The following CHMP4C variants were observed in gnomAD, a reference collection of about 807,000 sequenced individuals.
CHMP4C encodes the protein SNF7 homolog associated with Alix 3.
Under a neutral mutation model 29.0 loss-of-function variants are expected in CHMP4C, and 28 were observed. That is an observed-to-expected ratio of 0.97 (90% CI 0.72 to 1.32). The LOEUF is 1.32. Among genes scored for constraint, CHMP4C ranks in the 40% most tolerant of loss-of-function variants. The pLI is 0.00. For missense variants in CHMP4C, 291 were observed against 281.0 expected, an observed-to-expected ratio of 1.04 and a Z score of -0.25; for synonymous variants, 106 against 102.4, an observed-to-expected ratio of 1.04 and a Z score of -0.21.
chr8:81,739,636 A>T (rs1325048388), intron 1 of CHMP4C, among the ~76,000 whole-genome samples: 1 of 152,176 alleles, frequency 6.6e-6, no homozygotes, highest in Non-Finnish European at 1.5e-5. Flanking sequence ...ATGGGCACCT[A>T]GCCCTGGGAA....
intron 1 of CHMP4C, among the ~76,000 whole-genome samples, chr8:81,748,044 TCCCG>T (rs754584236): frequency 7.9e-4 from 113 of 143,044 alleles, no homozygotes; most frequent in Non-Finnish European, 1.3e-3. Context: ...GGGCGGCCAG[TCCCG>T]AGACCTACCC....
chr8:81,755,595 A>T (rs1047000628), intron 3 of CHMP4C, 111 bp downstream of exon 3: 15 of 577,116 alleles, frequency 2.6e-5, no homozygotes, highest in Non-Finnish European at 4.7e-5. Context: ...TGATATTTGT[A>T]AGAAAGGTAC....
Position 81,748,519 on chromosome 8 carries a change from TCACAATC to T in CHMP4C, c.191-4542_191-4536del, listed in dbSNP as rs1312841066. Reference sequence around the variant, plus strand: ...GAACTAATAAATGTCCATAAAATCTTCACAATCCATGTTCTTCTGTCATGGCTTCAGC... The same window carrying T: ...GAACTAATAAATGTCCATAAAATCTTCATGTTCTTCTGTCATGGCTTCAGC... On this transcript the variant is annotated intron_variant, in intron 1 of 4. Transcript: ENST00000297265. 2.6e-5 allele frequency among the ~76,000 whole-genome samples: 4 copies of T among 152,296 alleles called. No individual in the cohort carries two copies. The East Asian group carries it at 5.8e-4, about 22-fold the overall frequency.
At chr8:81,749,546 T>C (rs1808870434) in intron 1 of CHMP4C, among the ~76,000 whole-genome samples, 1 of 152,174 alleles carries the variant, frequency 6.6e-6, no homozygotes. Context: ...AATTCTACTA[T>C]AGTGTGATAA....
In CHMP4C at chr8:81,753,574, T is replaced by C. The variant is rs569767605; in HGVS notation, c.368+333T>C. On this transcript the variant is annotated intron_variant, in intron 2 of 4. Coordinates refer to ENST00000297265, the MANE Select transcript of CHMP4C (RefSeq NM_152284.4). ...TGTTGGATTTATAGGATAGTGGCTG[T>C]CAAACTTTGGAGGGAATCAGAATCA... Among the ~76,000 whole-genome samples the C allele has an allele frequency of 3.3e-5, 5 of 152,226 alleles. No homozygotes were observed. In the East Asian group the frequency reaches 7.7e-4, roughly 24 times the overall value.
In CHMP4C at chr8:81,739,423, G is replaced by GGC. The variant is rs538186074; in HGVS notation, c.190+6608_190+6609insCG. On this transcript the variant is annotated intron_variant, in intron 1 of 4. Coordinates refer to ENST00000297265, the MANE Select transcript of CHMP4C (RefSeq NM_152284.4). ...TTCTAAGGCCTGGGGGATTGTGGGGGGGGGTGGAAAAAAAAAAAGTCTTAT... is the reference window on the plus strand; with the variant it reads ...TTCTAAGGCCTGGGGGATTGTGGGGGGCGGGGTGGAAAAAAAAAAAGTCTTAT... Among the ~76,000 whole-genome samples, 659 of 142,934 alleles carry GGC rather than the reference G, an allele frequency of 4.6e-3. 32 individuals are homozygous for GGC. Among genetic ancestry groups the GGC allele is most frequent in the South Asian group, 0.021 (89 of 4,202 alleles). 93.8% of individuals were successfully genotyped at this position (142,934 alleles called of 152,430 possible). A position where few individuals can be genotyped will look rare whatever the true frequency, so the allele number is the denominator to read the frequency against.
At chr8:81,735,628 T>G (rs1808679501) in intron 1 of CHMP4C, among the ~76,000 whole-genome samples, 1 of 152,230 alleles carries the variant, frequency 6.6e-6, no homozygotes, top group Non-Finnish European at 1.5e-5. Flanking sequence ...AGCTAATATA[T>G]TCTCTGAATG....
At chr8:81,736,447 T>C (rs979167337) in intron 1 of CHMP4C, among the ~76,000 whole-genome samples, 1 of 152,116 alleles carries the variant, frequency 6.6e-6, no homozygotes, top group African/African-American at 2.4e-5. Context: ...CCACTGGGCC[T>C]GGCCTAATTG....
chr8:81,747,262 T>C (rs1808836946), intron 1 of CHMP4C, among the ~76,000 whole-genome samples: 2 of 152,192 alleles, frequency 1.3e-5, no homozygotes, highest in South Asian at 4.1e-4. Context: ...ATTGCTTTTC[T>C]AGATTTTCAG....
chr8:81,757,685 C>T (rs547936607), intron 3 of CHMP4C, among the ~76,000 whole-genome samples: 7 of 152,126 alleles, frequency 4.6e-5, no homozygotes, highest in South Asian at 2.1e-4. Flanking sequence ...ATAAAAGAAC[C>T]ATAGTATCTT....
intron 2 of CHMP4C, 83 bp downstream of exon 2, chr8:81,753,324 G>A: frequency 2.8e-6 from 3 of 1,073,484 alleles, no homozygotes; most frequent in South Asian, 2.3e-5. Flanking sequence ...GGTTTTGGCA[G>A]GAATGGGTTT....
rs1808993829 is a variant in CHMP4C at position 81,758,143 on chromosome 8, A to G, written c.485A>G (p.Asp162Gly). The G allele has an allele frequency of 1.2e-6, 2 of 1,613,780 alleles. No homozygotes were observed. Among genetic ancestry groups the G allele is most frequent in the Non-Finnish European group, 1.7e-6 (2 of 1,179,796 alleles). Residue 162 changes from aspartate to glycine, a missense_variant and splice_region_variant, in exon 4 of 5, where the codon GAT becomes GGT. Physicochemically the swap from Asp to Gly is moderately conservative, Grantham distance 94 (BLOSUM62 -1). Transcript: ENST00000297265. ...ATTCTTCCTTTCTCCTGTGTTCAGG[A>G]TGAGTTGATGGCAGAACTTGAAGAA... The part of the protein sequence containing the change: ...RVGFGDDFDE[D>G]ELMAELEELE...
At chr8:81,735,858 G>C (rs1808681973) in intron 1 of CHMP4C, among the ~76,000 whole-genome samples, 3 of 152,034 alleles carry the variant, frequency 2.0e-5, no homozygotes. Flanking sequence ...GGGCTGAAGT[G>C]GGCAGATTAC....
intron 1 of CHMP4C, among the ~76,000 whole-genome samples, chr8:81,738,538 C>A (rs975861025): frequency 6.6e-6 from 1 of 152,168 alleles, no homozygotes; most frequent in Non-Finnish European, 1.5e-5. Flanking sequence ...AGAACCTCCT[C>A]GGTCTCTTAA....
chr8:81,742,094 G>A (rs1808768862), intron 1 of CHMP4C, among the ~76,000 whole-genome samples: 1 of 152,152 alleles, frequency 6.6e-6, no homozygotes, highest in African/African-American at 2.4e-5. Flanking sequence ...AGCAGTAAGA[G>A]CTATTATACC....
chr8:81,741,371 C>T (rs958344817), intron 1 of CHMP4C, among the ~76,000 whole-genome samples: 2 of 152,040 alleles, frequency 1.3e-5, no homozygotes, highest in African/African-American at 4.8e-5. Flanking sequence ...TTACTAACAC[C>T]ATGATTATGC....
intron 3 of CHMP4C, 97 bp from the exon 4 acceptor site, chr8:81,758,045 C>A: frequency 2.8e-6 from 3 of 1,078,572 alleles, no homozygotes; most frequent in Non-Finnish European, 4.1e-6. Context: ...TGGGTTCTCA[C>A]ATATCAATTG....
chr8:81,750,501 A>G, intron 1 of CHMP4C, among the ~76,000 whole-genome samples: 1 of 151,898 alleles, frequency 6.6e-6, no homozygotes, highest in African/African-American at 2.4e-5. Flanking sequence ...AGTTACTCTG[A>G]AAGCTAAGGC....
In CHMP4C at chr8:81,750,053, A is replaced by G. The variant is rs553218962; in HGVS notation, c.191-3011A>G. Among the ~76,000 whole-genome samples, 47 of 152,296 alleles carry G rather than the reference A, an allele frequency of 3.1e-4. 1 individual carries two copies. The highest frequency in any genetic ancestry group is 3.4e-3 in the Middle Eastern group (1 of 294). ...GGGAAATTTGCAGCCTGATGATGCA[A>G]TAGAAAAGAAAACCTCATTTTCTGG... is the stretch of plus-strand genomic sequence containing the variant. On this transcript the variant is annotated intron_variant, in intron 1 of 4. Coordinates refer to ENST00000297265, the MANE Select transcript of CHMP4C (RefSeq NM_152284.4).
Sources: allele counts gnomAD v4.1 joint callset (sites outside exome capture counted in the v4.1 genomes callset), GRCh38; gene constraint gnomAD v4.1.1; transcripts MANE v1.5; gene names NCBI Gene and HGNC (gene_info 2026-07-23, HGNC 2026-07-21).